MOB3B: variants seen among roughly 807,000 people sequenced by gnomAD.
The protein encoded by MOB3B is MOB kinase activator 3B.
MOB3B carries 7 observed loss-of-function variants against 18.7 expected under a neutral mutation model. That is an observed-to-expected ratio of 0.37 (90% CI 0.21 to 0.70). The LOEUF is 0.70. MOB3B is among the 30% of genes least tolerant of loss of function. MOB3B has a pLI of 0.52. For missense variants in MOB3B, 253 were observed against 281.3 expected (o/e 0.90, Z 0.72); for synonymous variants, 111 against 99.9 (o/e 1.11, Z -0.66).
intron 3 of MOB3B, among the ~76,000 whole-genome samples, chr9:27,357,432 C>T (rs1198939089): frequency 6.6e-6 from 1 of 151,728 alleles, no homozygotes; most frequent in African/African-American, 2.4e-5. Context: ...GCAGAGCCTG[C>T]ACCCCAAATA....
intron 1 of MOB3B, among the ~76,000 whole-genome samples, chr9:27,509,505 C>T (rs761316817): frequency 6.6e-6 from 1 of 152,188 alleles, no homozygotes; most frequent in Non-Finnish European, 1.5e-5. Flanking sequence ...CAACCTCCGC[C>T]TCCTGGGTTC....
chr9:27,358,817 C>G, intron 3 of MOB3B: 2 of 738,896 alleles, frequency 2.7e-6, no homozygotes, highest in Non-Finnish European at 5.0e-6. Context: ...CAACATTCTG[C>G]CACCTCTTGG....
intron 2 of MOB3B, among the ~76,000 whole-genome samples, chr9:27,432,201 C>A (rs1187999851): frequency 6.6e-6 from 1 of 152,084 alleles, no homozygotes; most frequent in African/African-American, 2.4e-5. Flanking sequence ...TCCATAAAAC[C>A]TATTTTGATC....
chr9:27,341,271 T>G (rs1424333644), intron 3 of MOB3B, among the ~76,000 whole-genome samples: 3 of 152,228 alleles, frequency 2.0e-5, no homozygotes, highest in East Asian at 1.9e-4. Context: ...TTTGTCCTTT[T>G]GGAGGGAGTA....
At chr9:27,448,016 C>T (rs1038080539) in intron 2 of MOB3B, among the ~76,000 whole-genome samples, 9 of 152,034 alleles carry the variant, frequency 5.9e-5, no homozygotes, top group Non-Finnish European at 1.0e-4. Context: ...TTTTCAAGTC[C>T]CTCTCTGTGG....
intron 1 of MOB3B, among the ~76,000 whole-genome samples, chr9:27,528,980 G>A (rs1290706994): frequency 6.6e-6 from 1 of 152,150 alleles, no homozygotes; most frequent in Non-Finnish European, 1.5e-5. Flanking sequence ...AAAGTTAAGC[G>A]CGATTTGTAC....
In MOB3B at chr9:27,340,423, C is replaced by G. The variant is rs137886111; in HGVS notation, c.622-9807G>C. ...TACATTGTTTCTTATAAAGACAGAG[C>G]TGCACATTTTTGAAGTTCTCTCATT... On this transcript the variant is annotated intron_variant, in intron 3 of 3. Coordinates refer to ENST00000262244, the MANE Select transcript of MOB3B (RefSeq NM_024761.5). Among the ~76,000 whole-genome samples the G allele has an allele frequency of 1.6e-3, 239 of 152,322 alleles. 1 individual carries two copies. The highest frequency in any genetic ancestry group is 5.6e-3 in the African/African-American group (231 of 41,568).
intron 3 of MOB3B, among the ~76,000 whole-genome samples, chr9:27,340,249 C>T (rs1348485961): frequency 1.3e-5 from 2 of 152,218 alleles, no homozygotes; most frequent in South Asian, 2.1e-4. Context: ...TGCACATATA[C>T]ATATGTATGG....
intron 2 of MOB3B, among the ~76,000 whole-genome samples, chr9:27,408,967 A>G (rs751106962): frequency 6.6e-6 from 1 of 152,172 alleles, no homozygotes; most frequent in African/African-American, 2.4e-5. Flanking sequence ...TAACAGGTAT[A>G]CCAACTACCA....
At chr9:27,494,576 G>A (rs35354228) in intron 1 of MOB3B, among the ~76,000 whole-genome samples, 4,756 of 152,210 alleles carry the variant, frequency 0.031, 102 homozygotes, top group South Asian at 0.054. Context: ...GTGCAGTGGC[G>A]CGATCTTGGC....
intron 1 of MOB3B, among the ~76,000 whole-genome samples, chr9:27,490,678 T>TTGCC (rs1456709451): frequency 2.0e-5 from 3 of 152,162 alleles, no homozygotes; most frequent in Non-Finnish European, 2.9e-5. Flanking sequence ...GTTCCTTGAC[T>TTGCC]TGCCGTAAGG....
chr9:27,352,520 C>T (rs12344401), intron 3 of MOB3B, among the ~76,000 whole-genome samples: 2,941 of 152,142 alleles, frequency 0.019, 96 homozygotes, highest in African/African-American at 0.067. Flanking sequence ...AAGAATTCCA[C>T]GAAGGGGTGT....
chr9:27,511,224 A>G (rs1289160347), intron 1 of MOB3B, among the ~76,000 whole-genome samples: 2 of 151,216 alleles, frequency 1.3e-5, no homozygotes, highest in Non-Finnish European at 2.9e-5. Context: ...GACAAAAAAA[A>G]AAAGAAAGAA....
intron 2 of MOB3B, among the ~76,000 whole-genome samples, chr9:27,361,092 T>G (rs904583120): frequency 3.9e-5 from 6 of 151,932 alleles, no homozygotes; most frequent in African/African-American, 1.5e-4. Flanking sequence ...ACATGGGGAG[T>G]CCTGTAACCC....
chr9:27,444,468 T>C (rs931621272), intron 2 of MOB3B, among the ~76,000 whole-genome samples: 24 of 152,368 alleles, frequency 1.6e-4, no homozygotes, highest in African/African-American at 5.8e-4. Context: ...CAAGTACATC[T>C]GTACTTTAAA....
intron 2 of MOB3B, among the ~76,000 whole-genome samples, chr9:27,401,416 C>G (rs1045691975): frequency 3.3e-5 from 5 of 152,220 alleles, no homozygotes; most frequent in Non-Finnish European, 5.9e-5. Context: ...GTGACTGTCT[C>G]AAGTCAGTGT....
rs1820769366 is a variant in MOB3B at position 27,330,424 on chromosome 9, A to ATTCC, written c.*162_*163insGGAA. ...TAGCAGCACTCAGAAGGTTAAGAGC[A>ATTCC]CACAAAGTGAGTGGGGAATGTCTCT... On this transcript the variant is annotated 3_prime_UTR_variant, in exon 4 of 4. Transcript: ENST00000262244. 5 of 854,534 alleles carry ATTCC rather than the reference A, an allele frequency of 5.9e-6. No individual in the cohort carries two copies. The highest frequency in any genetic ancestry group is 9.0e-6 in the Non-Finnish European group (5 of 556,724). 52.9% of individuals were successfully genotyped at this position (854,534 alleles called of 1,614,324 possible). A position where few individuals can be genotyped will look rare whatever the true frequency, so the allele number is the denominator to read the frequency against.
At chr9:27,439,353 C>T (rs937837202) in intron 2 of MOB3B, among the ~76,000 whole-genome samples, 7 of 152,160 alleles carry the variant, frequency 4.6e-5, no homozygotes, top group African/African-American at 1.7e-4. Context: ...TTTCCTCCTT[C>T]TCTTCCTAGC....
At chr9:27,481,520 G>GTTTTTTTTTTTTTTTTTTTTTTTTT (rs1224985717) in intron 1 of MOB3B, among the ~76,000 whole-genome samples, 1 of 91,726 alleles carries the variant, frequency 1.1e-5, no homozygotes, top group African/African-American at 3.5e-5. Flanking sequence ...TGTTTTTTTT[G>GTTTTTTTTTTTTTTTTTTTTTTTTT]TTTTTTTTTT....
Sources: allele counts gnomAD v4.1 joint callset (sites outside exome capture counted in the v4.1 genomes callset), GRCh38; gene constraint gnomAD v4.1.1; transcripts MANE v1.5; gene names NCBI Gene and HGNC (gene_info 2026-07-23, HGNC 2026-07-21).